Variants in PUF60 observed in about 807,000 individuals in gnomAD.
The protein encoded by PUF60 is poly(U) binding splicing factor 60, also known as poly(U)-binding-splicing factor PUF60.
Under a neutral mutation model 61.8 loss-of-function variants are expected in PUF60, and 10 were observed. The ratio of observed to expected loss-of-function variants is 0.16; its 90% CI spans 0.10 to 0.27. The LOEUF is 0.27. PUF60 is among the 10% of genes least tolerant of loss of function. The pLI is 1.00. For synonymous variants in PUF60, 353 were observed against 300.9 expected (o/e 1.17, Z -1.79); for missense variants, 371 against 754.0 (o/e 0.49, Z 5.95).
In PUF60 at chr8:143,817,161, C is replaced by T. The variant is rs1816426820; in HGVS notation, c.1145-16G>A. Reference sequence around the variant, plus strand: ...GGGGTCACACCTGCAGGAAAACCAACCAGGTCCATCAGTCACTCCCTACCA... The same window carrying T: ...GGGGTCACACCTGCAGGAAAACCAATCAGGTCCATCAGTCACTCCCTACCA... On this transcript the variant is annotated splice_polypyrimidine_tract_variant and intron_variant, in intron 10 of 11. Coordinates refer to ENST00000526683, the MANE Select transcript of PUF60 (RefSeq NM_078480.3). The surrounding 1 kb of genome is among the most constrained non-coding windows in gnomAD (Gnocchi z 7.4). The T allele has an allele frequency of 6.3e-7, 1 of 1,576,312 alleles. No homozygotes were observed. The highest frequency in any genetic ancestry group is 8.6e-7 in the Non-Finnish European group (1 of 1,160,376).
intron 1 of PUF60, among the ~76,000 whole-genome samples, chr8:143,827,754 C>A (rs1172894909): frequency 7.2e-5 from 11 of 152,230 alleles, no homozygotes; most frequent in African/African-American, 2.7e-4. Context: ...GCAACAAACA[C>A]CCCAACAGAC....
chr8:143,817,746 G>A lies in PUF60; in HGVS notation c.854C>T (p.Ser285Phe). ...EKAQSSQDAV[S>F]SMNLFDLGGQ... ...ACCCAGGTCAAAGAGGTTCATGGAAGACACAGCATCTTGGGACGACTGGGC... is the reference window on the plus strand; with the variant it reads ...ACCCAGGTCAAAGAGGTTCATGGAAAACACAGCATCTTGGGACGACTGGGC... The change falls in exon 9 of 12, where the codon TCT (serine) becomes TTT (phenylalanine). Residue 285 changes from serine (S) to phenylalanine (F), a missense_variant. Physicochemically the swap from Ser to Phe is radical, Grantham distance 155. This residue lies in a region of PUF60 where 2 missense variants were observed against 28.6 expected (regional missense o/e 0.07). Transcript: ENST00000526683. The surrounding 1 kb of genome is among the most constrained non-coding windows in gnomAD (Gnocchi z 7.4). 6.2e-7 allele frequency: 1 copy of A among 1,612,516 alleles called. No individual in the cohort carries two copies. Among genetic ancestry groups the A allele is most frequent in the Middle Eastern group, 1.6e-4 (1 of 6,062 alleles).
At chr8:143,828,419 A>G (rs983128571) in intron 1 of PUF60, among the ~76,000 whole-genome samples, 6 of 152,250 alleles carry the variant, frequency 3.9e-5, no homozygotes, top group Non-Finnish European at 5.9e-5. Flanking sequence ...CTATAAGCTA[A>G]GTGGTGAGAA....
intron 4 of PUF60, 55 bp from the exon 5 acceptor site, chr8:143,820,771 C>G: frequency 6.6e-7 from 1 of 1,505,408 alleles, no homozygotes; most frequent in Non-Finnish European, 9.2e-7. Context: ...GTCTCCCGCT[C>G]TCGTCAACAC....
intron 1 of PUF60, among the ~76,000 whole-genome samples, chr8:143,828,260 T>C (rs1418120074): frequency 3.9e-5 from 6 of 152,218 alleles, no homozygotes; most frequent in African/African-American, 1.4e-4. Context: ...GGACACTCCC[T>C]GGTCCTGCCA....
Position 143,818,335 on chromosome 8 carries a change from C to A in PUF60, c.510+38G>T, listed in dbSNP as rs377162053. ...GGCTGCGCGAGCCCAGGGGTGGGGG[C>A]GAGCCCGAAGTGGCCGGGGCGGACC... is the stretch of plus-strand genomic sequence containing the variant. On this transcript the variant is annotated intron_variant, in intron 6 of 11. Transcript: ENST00000526683. This position sits in a 1 kb window ranked among gnomAD's most constrained non-coding sequence, Gnocchi z 7.9. 1 of 1,608,654 alleles carries A rather than the reference C, an allele frequency of 6.2e-7. No individual in the cohort carries two copies. Among genetic ancestry groups the A allele is most frequent in the Admixed American group, 1.7e-5 (1 of 59,842 alleles).
At chr8:143,816,873 A>ACCCCCTCCCCCCCCCCCCC in intron 11 of PUF60, 37 bp downstream of exon 11, 1 of 1,475,812 alleles carries the variant, frequency 6.8e-7, no homozygotes, top group South Asian at 1.2e-5. Flanking sequence ...CCGCCCCCCT[A>ACCCCCTCCCCCCCCCCCCC]CCCTCTCCCC....
intron 2 of PUF60, chr8:143,822,898 T>G (rs937368943): frequency 3.3e-6 from 1 of 303,884 alleles, no homozygotes; most frequent in African/African-American, 2.2e-5. Context: ...GACACAGCCT[T>G]GAGGGACAGC....
rs189771836 is a variant in PUF60, at chr8:143,824,574, C to A, written c.25-175G>T. 1.0e-4 allele frequency: 63 copies of A among 622,210 alleles called. No individual in the cohort carries two copies. The African/African-American group carries it at 1.0e-3, about 10-fold the overall frequency. The allele number at this position is 622,210 out of a possible 1,614,324, so 38.5% of individuals were successfully genotyped here. A position where few individuals can be genotyped will look rare whatever the true frequency, so the allele number is the denominator to read the frequency against. On this transcript the variant is annotated intron_variant, in intron 1 of 11. Coordinates refer to ENST00000526683, the MANE Select transcript of PUF60 (RefSeq NM_078480.3). ...TGCCCTCTCTTCACACCCATCAGCA[C>A]GCCCAGGGACCCAGTCAGAAGCAGA...
rs1182869848 is a variant in PUF60 at position 143,817,538 on chromosome 8, G to T, written c.1008+54C>A. On this transcript the variant is annotated intron_variant, in intron 9 of 11. Transcript: ENST00000526683. The surrounding 1 kb of genome is among the most constrained non-coding windows in gnomAD (Gnocchi z 7.4). ...AAGACCACCTTGAATCAGTCTCCAA[G>T]GAATCAGGGGCCAGCCCGCCCACCC... is the stretch of plus-strand genomic sequence containing the variant. 1.2e-6 allele frequency: 2 copies of T among 1,608,264 alleles called. No individual in the cohort carries two copies.
intron 1 of PUF60, 189 bp downstream of exon 1, chr8:143,829,091 G>A (rs1208549045): frequency 3.6e-6 from 4 of 1,106,922 alleles, no homozygotes; most frequent in South Asian, 8.7e-5. Context: ...GCCGGAAGCT[G>A]AGGCCGCGAG....
chr8:143,817,223 T>C lies in PUF60; in HGVS notation c.1145-78A>G. On this transcript the variant is annotated intron_variant, in intron 10 of 11. Transcript: ENST00000526683. This position sits in a 1 kb window ranked among gnomAD's most constrained non-coding sequence, Gnocchi z 7.4. ...AGAAAGGCACAGAGCTGGCCTGCCC[T>C]GGGCTCAGAGGGTTGTGCCCAGACC... 1 of 1,522,712 alleles carries C rather than the reference T, an allele frequency of 6.6e-7. No homozygotes were observed. The highest frequency in any genetic ancestry group is 8.8e-7 in the Non-Finnish European group (1 of 1,134,110). 94.3% of individuals were successfully genotyped at this position (1,522,712 alleles called of 1,614,324 possible). A position where few individuals can be genotyped will look rare whatever the true frequency, so the allele number is the denominator to read the frequency against.
intron 1 of PUF60, 63 bp downstream of exon 1, chr8:143,829,217 C>G (rs1818020875): frequency 8.1e-7 from 1 of 1,235,882 alleles, no homozygotes; most frequent in African/African-American, 1.6e-5. Context: ...CGCGCCCAGG[C>G]TGGGTCGACG....
intron 1 of PUF60, chr8:143,829,017 C>T (rs1586633646): frequency 6.9e-5 from 69 of 997,510 alleles, no homozygotes; most frequent in Non-Finnish European, 8.1e-5. Flanking sequence ...GCCAGGCTCG[C>T]CCGCAAGGGC....
In PUF60 at chr8:143,817,680, A is replaced by G. The variant is rs745999805; in HGVS notation, c.920T>C (p.Met307Thr). 6.2e-7 allele frequency: 1 copy of G among 1,612,654 alleles called. No individual in the cohort carries two copies. Among genetic ancestry groups the G allele is most frequent in the Non-Finnish European group, 8.5e-7 (1 of 1,179,862 alleles). Residue 307 changes from methionine (M) to threonine (T), a missense_variant, in exon 9 of 12, where the codon ATG (methionine) becomes ACG (threonine). Met to Thr is a moderately conservative substitution (Grantham distance 81). This residue lies in a region of PUF60 where 17 missense variants were observed against 19.2 expected (regional missense o/e 0.89). Transcript: ENST00000526683. This position sits in a 1 kb window ranked among gnomAD's most constrained non-coding sequence, Gnocchi z 7.4. The stretch of plus-strand genomic sequence containing the variant: ...AGGCGTGGCTGGTGTGAGTAGGGGC[A>G]TGGGCGGTGTGACAGCCTTGCCCAC... ...LRVGKAVTPP[M>T]PLLTPATPGG...
intron 4 of PUF60, 37 bp downstream of exon 4, chr8:143,821,560 G>A (rs1186630671): frequency 1.3e-6 from 2 of 1,496,952 alleles, no homozygotes; most frequent in Admixed American, 3.9e-5. Context: ...TGGTGGCTGT[G>A]GTGGGGAGGG....
intron 5 of PUF60, 146 bp downstream of exon 5, chr8:143,820,520 C>G: frequency 1.1e-6 from 1 of 946,974 alleles, no homozygotes; most frequent in Middle Eastern, 2.6e-4. Context: ...ACTGGCCCCA[C>G]CACGCCTGGC....
At position 143,817,179 on chromosome 8, in the gene PUF60, C is replaced by G; in HGVS notation, c.1145-34G>C. 2.6e-6 allele frequency: 4 copies of G among 1,542,812 alleles called. No individual in the cohort carries two copies. The South Asian group carries it at 4.9e-5, about 19-fold the overall frequency. The stretch of plus-strand genomic sequence containing the variant: ...AAACCAACCAGGTCCATCAGTCACT[C>G]CCTACCACCCCCCTTCCCAGAAAGG... On this transcript the variant is annotated intron_variant, in intron 10 of 11. Coordinates refer to ENST00000526683, the MANE Select transcript of PUF60 (RefSeq NM_078480.3). This position sits in a 1 kb window ranked among gnomAD's most constrained non-coding sequence, Gnocchi z 7.4.
At chr8:143,824,004 C>T (rs973575164) in intron 2 of PUF60, among the ~76,000 whole-genome samples, 33 of 152,376 alleles carry the variant, frequency 2.2e-4, no homozygotes, top group Non-Finnish European at 3.4e-4. Flanking sequence ...TGCCTAAGAA[C>T]GCGCGAGCTC....
Sources: gnomAD v4.1 joint callset for allele counts (sites outside exome capture counted in the v4.1 genomes callset) on GRCh38, gnomAD v4.1.1 for gene constraint, gnomAD v4.1.1 regional missense constraint, Gnocchi (gnomAD v3.1) non-coding constraint, MANE v1.5 for transcripts, NCBI Gene and HGNC (gene_info 2026-07-23, HGNC 2026-07-21) for gene names.